The following FCN1 variants were observed in gnomAD, a reference collection of about 807,000 sequenced individuals.
FCN1 encodes ficolin-1.
Under a neutral mutation model 35.6 loss-of-function variants are expected in FCN1, and 42 were observed. The ratio of observed to expected loss-of-function variants is 1.18; its 90% CI spans 0.92 to 1.53. The LOEUF (loss-of-function observed/expected upper bound fraction) is 1.53. Ranked by LOEUF, FCN1 falls within the 40% of genes most tolerant of loss-of-function variation. FCN1 has a pLI of 0.00. For missense variants in FCN1, 439 were observed against 428.4 expected, an observed-to-expected ratio of 1.02 and a Z score of -0.22; for synonymous variants, 179 against 169.8, an observed-to-expected ratio of 1.05 and a Z score of -0.42.
intron 7 of FCN1, 75 bp from the exon 8 acceptor site, chr9:134,911,342 ATTTTTTT>A: frequency 8.6e-6 from 8 of 929,032 alleles, no homozygotes; most frequent in Non-Finnish European, 1.1e-5. Context: ...GGGATGGGTA[ATTTTTTT>A]TTTTTTTTTT....
rs1350860677 is a variant in FCN1, at chr9:134,905,444, T to A, written c.*4354A>T. Reference sequence around the variant, plus strand: ...TCTGCTGATGTGAGTTGGGGAGGAATTGGTGATGGGAAAAGACTCTTCATC... The same window carrying A: ...TCTGCTGATGTGAGTTGGGGAGGAAATGGTGATGGGAAAAGACTCTTCATC... On this transcript the variant is annotated 3_prime_UTR_variant, in exon 9 of 9. Transcript: ENST00000371806. 6.6e-6 allele frequency among the ~76,000 whole-genome samples: 1 copy of A among 152,188 alleles called. No individual in the cohort carries two copies. Among genetic ancestry groups the A allele is most frequent in the African/African-American group, 2.4e-5 (1 of 41,456 alleles).
At chr9:134,911,420 C>T (rs1465976768) in intron 7 of FCN1, among the ~76,000 whole-genome samples, 153 bp from the exon 8 acceptor site, 1 of 150,782 alleles carries the variant, frequency 6.6e-6, no homozygotes, top group Non-Finnish European at 1.5e-5. Context: ...TCTCAGCTCA[C>T]TGCAACCTCC....
chr9:134,917,674 A>G, intron 1 of FCN1, 95 bp downstream of exon 1: 2 of 761,630 alleles, frequency 2.6e-6, no homozygotes. Flanking sequence ...CTTCACAGGA[A>G]GATGTGCATA....
In FCN1 at chr9:134,906,873, C is replaced by G. The variant is rs1397495759; in HGVS notation, c.*2925G>C. 6.6e-6 allele frequency: 1 copy of G among 152,114 alleles called. No homozygotes were observed. Among genetic ancestry groups the G allele is most frequent in the Non-Finnish European group, 1.5e-5 (1 of 68,038 alleles). 9.4% of individuals were successfully genotyped at this position (152,114 alleles called of 1,614,324 possible). The stretch of plus-strand genomic sequence containing the variant: ...ATCACTTGAGGTCGGGAGTTCAAGA[C>G]CAGCCTGGCCAACACGGCGAAACCC... On this transcript the variant is annotated 3_prime_UTR_variant, in exon 9 of 9. Coordinates refer to ENST00000371806, the MANE Select transcript of FCN1 (RefSeq NM_002003.5).
At chr9:134,915,877 C>T (rs1008662441) in intron 2 of FCN1, among the ~76,000 whole-genome samples, 10 of 152,202 alleles carry the variant, frequency 6.6e-5, no homozygotes, top group East Asian at 3.9e-4. Context: ...GCTCAGGATT[C>T]GGGTGCCCTC....
chr9:134,917,678 G>T, intron 1 of FCN1, 91 bp downstream of exon 1: 2 of 781,132 alleles, frequency 2.6e-6, no homozygotes, highest in Non-Finnish European at 4.6e-6. Context: ...ACAGGAAGAT[G>T]TGCATAAAAG....
chr9:134,903,516 T>C lies in FCN1; in HGVS notation c.*6282A>G, dbSNP rs528121874. Among the ~76,000 whole-genome samples, 17 of 152,040 alleles carry C rather than the reference T, an allele frequency of 1.1e-4. No individual in the cohort carries two copies. The highest frequency in any genetic ancestry group is 1.6e-4 in the Non-Finnish European group (11 of 67,984). On this transcript the variant is annotated 3_prime_UTR_variant, in exon 9 of 9. Transcript: ENST00000371806. ...AAAGAACACAATTTTAAATAAACCA[T>C]GGGCCAAAGGAAAAGTCACAGAGGA...
At chr9:134,916,286 T>C in intron 2 of FCN1, 62 bp downstream of exon 2, 1 of 1,281,596 alleles carries the variant, frequency 7.8e-7, no homozygotes. Context: ...GCATCCAGTT[T>C]CATAAAGAGC....
chr9:134,903,658 C>A lies in FCN1; in HGVS notation c.*6140G>T, dbSNP rs1423322717. On this transcript the variant is annotated 3_prime_UTR_variant, in exon 9 of 9. Coordinates refer to ENST00000371806, the MANE Select transcript of FCN1 (RefSeq NM_002003.5). The stretch of plus-strand genomic sequence containing the variant: ...CTGAATACTATGTCTAGCATTCAAT[C>A]AAAACCCTCCAAGTGTGCCAAAAAA... Among the ~76,000 whole-genome samples, 1 of 151,946 alleles carries A rather than the reference C, an allele frequency of 6.6e-6. No homozygotes were observed. Among genetic ancestry groups the A allele is most frequent in the Non-Finnish European group, 1.5e-5 (1 of 67,972 alleles).
At chr9:134,912,659 G>T (rs1831039110) in intron 6 of FCN1, 44 bp from the exon 7 acceptor site, 1 of 1,613,512 alleles carries the variant, frequency 6.2e-7, no homozygotes. Context: ...GCAGGCCGAG[G>T]TCCCACAGCA....
At position 134,909,167 on chromosome 9, in the gene FCN1, C is replaced by T. The variant is rs566117277; in HGVS notation, c.*631G>A. On this transcript the variant is annotated 3_prime_UTR_variant, in exon 9 of 9. Coordinates refer to ENST00000371806, the MANE Select transcript of FCN1 (RefSeq NM_002003.5). ...TTCTCTGTGCAGGTGGCTGACCAGG[C>T]GCTCACTTAGTGAGTGCTAAGTGTT... The T allele has an allele frequency of 5.2e-5, 66 of 1,266,840 alleles. 1 individual carries two copies. The highest frequency in any genetic ancestry group is 1.5e-4 in the South Asian group (12 of 78,900). 78.5% of individuals were successfully genotyped at this position (1,266,840 alleles called of 1,614,324 possible). A position where few individuals can be genotyped will look rare whatever the true frequency, so the allele number is the denominator to read the frequency against.
rs140217924 is a variant in FCN1 at position 134,917,457 on chromosome 9, G to A, written c.103+312C>T. 1.5e-3 allele frequency among the ~76,000 whole-genome samples: 230 copies of A among 152,278 alleles called. 2 individuals carry two copies. The South Asian group carries it at 0.016, about 11-fold the overall frequency. On this transcript the variant is annotated intron_variant, in intron 1 of 8. Coordinates refer to ENST00000371806, the MANE Select transcript of FCN1 (RefSeq NM_002003.5). Reference sequence around the variant, plus strand: ...CTTAGAGTGCCTCCCTGGTAAGCCCGTAAGAAGATAAAGTCAACAGTATTT... The same window carrying A: ...CTTAGAGTGCCTCCCTGGTAAGCCCATAAGAAGATAAAGTCAACAGTATTT...
In FCN1 at chr9:134,916,427, C is replaced by T. The variant is rs369960239; in HGVS notation, c.138G>A (p.Lys46=). 4 of 1,614,118 alleles carry T rather than the reference C, an allele frequency of 2.5e-6. No homozygotes were observed. Among genetic ancestry groups the T allele is most frequent in the African/African-American group, 1.3e-5 (1 of 74,954 alleles). The change falls in exon 2 of 9, where the codon AAG becomes AAA. Residue 46 remains lysine (K), a synonymous_variant. Transcript: ENST00000371806. The stretch of plus-strand genomic sequence containing the variant: ...CCGGGCAGCCTCGGAGAATGGTGAG[C>T]TTGTCAGAGCCCTCCAGGCCCACCA... ...VKVVGLEGSD[K]LTILRGCPGL... is the part of the protein sequence containing the mutation.
intron 7 of FCN1, among the ~76,000 whole-genome samples, chr9:134,911,823 G>C (rs1005591092): frequency 2.0e-5 from 3 of 152,240 alleles, no homozygotes; most frequent in Non-Finnish European, 2.9e-5. Flanking sequence ...AGTTCACTGG[G>C]TGGAAGGGAG....
chr9:134,917,184 G>T (rs1215043983), intron 1 of FCN1, among the ~76,000 whole-genome samples: 1 of 152,160 alleles, frequency 6.6e-6, no homozygotes, highest in Non-Finnish European at 1.5e-5. Context: ...CACTAGAGCA[G>T]GCTGTAATTT....
chr9:134,904,176 C>A lies in FCN1; in HGVS notation c.*5622G>T, dbSNP rs1830915051. On this transcript the variant is annotated 3_prime_UTR_variant, in exon 9 of 9. Transcript: ENST00000371806. ...CAGATTCTATGAACCCCAAGCAAGACAAATTCAGAGAAAGTCTCATCCAGG... is the reference window on the plus strand; with the variant it reads ...CAGATTCTATGAACCCCAAGCAAGAAAAATTCAGAGAAAGTCTCATCCAGG... Among the ~76,000 whole-genome samples, 1 of 152,114 alleles carries A rather than the reference C, an allele frequency of 6.6e-6. No homozygotes were observed. The highest frequency in any genetic ancestry group is 1.5e-5 in the Non-Finnish European group (1 of 67,998).
At position 134,916,329 on chromosome 9, in the gene FCN1, C is replaced by A; in HGVS notation, c.217+19G>T. ...AGTGCCCCTGCCATGCCTGGCCTCC[C>A]CACCCGGCCCGCACCTACCTCTCTC... is the stretch of plus-strand genomic sequence containing the variant. On this transcript the variant is annotated intron_variant, in intron 2 of 8. Coordinates refer to ENST00000371806, the MANE Select transcript of FCN1 (RefSeq NM_002003.5). 1 of 1,592,324 alleles carries A rather than the reference C, an allele frequency of 6.3e-7. No homozygotes were observed. The highest frequency in any genetic ancestry group is 8.6e-7 in the Non-Finnish European group (1 of 1,160,254).
intron 4 of FCN1, among the ~76,000 whole-genome samples, 197 bp from the exon 5 acceptor site, chr9:134,913,810 T>C (rs532388418): frequency 7.2e-5 from 11 of 152,218 alleles, no homozygotes; most frequent in South Asian, 2.1e-4. Context: ...TGGTTGTCCA[T>C]AGGCCCCTGC....
At position 134,905,630 on chromosome 9, in the gene FCN1, T is replaced by TC. The variant is rs1830933357; in HGVS notation, c.*4167dup. On this transcript the variant is annotated 3_prime_UTR_variant, in exon 9 of 9. Transcript: ENST00000371806. ...TCTCGAGTAGCTGGGACGATAGGCA[T>TC]CCCCCACCATGAACGGCTAATTTTT... Among the ~76,000 whole-genome samples, 1 of 151,624 alleles carries TC rather than the reference T, an allele frequency of 6.6e-6. No homozygotes were observed. Among genetic ancestry groups the TC allele is most frequent in the African/African-American group, 2.4e-5 (1 of 41,196 alleles).
Sources: gnomAD v4.1 joint callset for allele counts (sites outside exome capture counted in the v4.1 genomes callset) on GRCh38, gnomAD v4.1.1 for gene constraint, MANE v1.5 for transcripts, NCBI Gene and HGNC (gene_info 2026-07-23, HGNC 2026-07-21) for gene names.